The following KLHL25 variants were observed in gnomAD, a reference collection of about 807,000 sequenced individuals.
KLHL25 encodes the protein kelch-like protein 25.
Under a neutral mutation model 30.0 loss-of-function variants are expected in KLHL25, and 41 were observed. The ratio of observed to expected loss-of-function variants is 1.37; its 90% CI spans 1.07 to 1.78. KLHL25 has a LOEUF of 1.78. KLHL25 is among the 40% of genes most tolerant of loss of function. KLHL25 has a pLI of 0.00. For synonymous variants in KLHL25, 399 were observed against 355.3 expected (o/e 1.12, Z -1.38); for missense variants, 971 against 824.5 (o/e 1.18, Z -2.18).
intron 1 of KLHL25, among the ~76,000 whole-genome samples, chr15:85,777,047 C>G (rs2089714146): frequency 6.6e-6 from 1 of 152,230 alleles, no homozygotes. Context: ...CTTAAACCTC[C>G]CAGCCCTCAG....
At chr15:85,771,748 C>T (rs964875907) in intron 1 of KLHL25, among the ~76,000 whole-genome samples, 1 of 152,228 alleles carries the variant, frequency 6.6e-6, no homozygotes, top group East Asian at 1.9e-4. Flanking sequence ...GGTGAGAGCA[C>T]TGGACGCAGA....
At chr15:85,794,411 T>A (rs1445813456) in intron 1 of KLHL25, among the ~76,000 whole-genome samples, 1 of 152,194 alleles carries the variant, frequency 6.6e-6, no homozygotes, top group African/African-American at 2.4e-5. Flanking sequence ...CTTTCCAGGA[T>A]CAATAGTAAT....
Position 85,769,424 on chromosome 15 carries a change from GA to G in KLHL25, c.386del (p.Phe129SerfsTer24). The part of the protein sequence containing the change: ...SLLEAGDMLQ[F>X]HDVRDAAAEF... ...CGGCGGCAGCATCCCGCACATCGTGGAACTGCAGCATGTCGCCTGCCTCCAG... is the reference window on the plus strand; with the variant it reads ...CGGCGGCAGCATCCCGCACATCGTGGACTGCAGCATGTCGCCTGCCTCCAG... On this transcript the variant is annotated frameshift_variant, in exon 2 of 3. Coordinates refer to ENST00000337975, the MANE Select transcript of KLHL25 (RefSeq NM_022480.4). LOFTEE classifies it high-confidence loss of function. 1 of 1,614,078 alleles carries G rather than the reference GA, an allele frequency of 6.2e-7. No homozygotes were observed.
chr15:85,788,940 C>G (rs1330658731), intron 1 of KLHL25, among the ~76,000 whole-genome samples: 1 of 152,166 alleles, frequency 6.6e-6, no homozygotes, highest in East Asian at 1.9e-4. Context: ...AAAAAGAGCT[C>G]CTCCATCTCT....
At chr15:85,761,808 G>C (rs1474012304) in intron 2 of KLHL25, 1 of 152,286 alleles carries the variant, frequency 6.6e-6, no homozygotes, top group East Asian at 1.9e-4. Flanking sequence ...CAGCAAAGCA[G>C]TGATTAATGG....
In KLHL25 at chr15:85,780,322, C is replaced by T. The variant is rs139960062; in HGVS notation, c.-10-10502G>A. Reference sequence around the variant, plus strand: ...AGTAACTCGTTTCCTTCCACTTATCCAGAGCAAGCCAGAGACAGAAACAAA... The same window carrying T: ...AGTAACTCGTTTCCTTCCACTTATCTAGAGCAAGCCAGAGACAGAAACAAA... On this transcript the variant is annotated intron_variant, in intron 1 of 2. Coordinates refer to ENST00000337975, the MANE Select transcript of KLHL25 (RefSeq NM_022480.4). 4.5e-3 allele frequency among the ~76,000 whole-genome samples: 687 copies of T among 152,336 alleles called. 5 individuals are homozygous for T. Among genetic ancestry groups the T allele is most frequent in the Admixed American group, 0.013 (197 of 15,300 alleles).
intron 1 of KLHL25, among the ~76,000 whole-genome samples, chr15:85,774,631 C>T (rs1225900242): frequency 2.0e-5 from 3 of 152,176 alleles, no homozygotes; most frequent in African/African-American, 2.4e-5. Context: ...AGTATGGCTA[C>T]AGCACTAACC....
chr15:85,774,880 CTTT>C (rs71141486), intron 1 of KLHL25, among the ~76,000 whole-genome samples: 6 of 140,438 alleles, frequency 4.3e-5, no homozygotes, highest in Admixed American at 2.2e-4. Flanking sequence ...TTTTTCTTTT[CTTT>C]TTTTTTTTTT....
chr15:85,770,672 G>A, intron 1 of KLHL25: 2 of 424,700 alleles, frequency 4.7e-6, no homozygotes, highest in Non-Finnish European at 9.9e-6. Flanking sequence ...AACCCTAACG[G>A]AAGTGATCCA....
At chr15:85,771,075 C>G (rs544224510) in intron 1 of KLHL25, 1 of 186,644 alleles carries the variant, frequency 5.4e-6, no homozygotes, top group African/African-American at 2.3e-5. Context: ...TTCACCAAGT[C>G]TCCCGATCAG....
intron 2 of KLHL25, among the ~76,000 whole-genome samples, chr15:85,765,621 CA>C (rs200486890): frequency 1.4e-3 from 104 of 75,496 alleles, no homozygotes; most frequent in South Asian, 3.9e-3. Context: ...GAGACTGTCT[CA>C]AAAAAAAAAA....
chr15:85,785,388 C>G (rs561545786), intron 1 of KLHL25, among the ~76,000 whole-genome samples: 2 of 152,314 alleles, frequency 1.3e-5, no homozygotes, highest in Middle Eastern at 3.4e-3. Context: ...CCACCACGCC[C>G]GGCCAACTGA....
intron 1 of KLHL25, among the ~76,000 whole-genome samples, chr15:85,773,497 C>T (rs2089690293): frequency 6.6e-6 from 1 of 152,254 alleles, no homozygotes; most frequent in Non-Finnish European, 1.5e-5. Flanking sequence ...GAACCACCTG[C>T]CTCCAGGCAG....
chr15:85,781,468 C>A (rs781048067), intron 1 of KLHL25, among the ~76,000 whole-genome samples: 12 of 152,046 alleles, frequency 7.9e-5, no homozygotes, highest in South Asian at 2.1e-4. Flanking sequence ...GAGAACATTG[C>A]GGTAGCGGAT....
chr15:85,765,096 G>C (rs1445127420), intron 2 of KLHL25, among the ~76,000 whole-genome samples: 1 of 152,200 alleles, frequency 6.6e-6, no homozygotes, highest in East Asian at 1.9e-4. Context: ...GCTCAGACCA[G>C]AGATGGTCTC....
At chr15:85,782,697 T>C (rs1224036954) in intron 1 of KLHL25, among the ~76,000 whole-genome samples, 4 of 152,184 alleles carry the variant, frequency 2.6e-5, no homozygotes, top group South Asian at 2.1e-4. Context: ...ACCTACAATG[T>C]GGTGCCCCAT....
rs535467107 is a variant in KLHL25 at position 85,786,916 on chromosome 15, G to C, written c.-11+7850C>G. ...TGCAAAAAATACAGCAGCCTAGTGG[G>C]GGGCAGGGGCGGGCAGGGATTAAAG... On this transcript the variant is annotated intron_variant, in intron 1 of 2. Coordinates refer to ENST00000337975, the MANE Select transcript of KLHL25 (RefSeq NM_022480.4). 1.8e-4 allele frequency among the ~76,000 whole-genome samples: 28 copies of C among 152,314 alleles called. 1 individual carries two copies. The East Asian group carries it at 5.4e-3, about 29-fold the overall frequency.
chr15:85,788,438 T>C (rs1392538188), intron 1 of KLHL25, among the ~76,000 whole-genome samples: 1 of 152,164 alleles, frequency 6.6e-6, no homozygotes, highest in South Asian at 2.1e-4. Flanking sequence ...CTCCCTCAGC[T>C]GAATGTGGGA....
chr15:85,777,000 A>G (rs2089713806), intron 1 of KLHL25, among the ~76,000 whole-genome samples: 2 of 152,326 alleles, frequency 1.3e-5, no homozygotes, highest in South Asian at 4.1e-4. Context: ...GTGAAATGGC[A>G]CCTTCTGGTC....
Sources: allele counts gnomAD v4.1 joint callset (sites outside exome capture counted in the v4.1 genomes callset), GRCh38; gene constraint gnomAD v4.1.1; transcripts MANE v1.5; gene names NCBI Gene and HGNC (gene_info 2026-07-23, HGNC 2026-07-21).